Variants in TMEM132D observed in about 807,000 individuals in gnomAD.
TMEM132D encodes the protein transmembrane protein 132D.
Under a neutral mutation model 62.3 loss-of-function variants are expected in TMEM132D, and 21 were observed. That is an observed-to-expected ratio of 0.34 (90% CI 0.24 to 0.49). The LOEUF is 0.49. Among genes scored for constraint, TMEM132D ranks in the 20% least tolerant of loss-of-function variants. The pLI is 0.99. For missense variants in TMEM132D, 1,346 were observed against 1,402.8 expected (o/e 0.96, Z 0.65); for synonymous variants, 621 against 575.6 (o/e 1.08, Z -1.13).
At chr12:129,429,569 C>A (rs1398995149) in intron 3 of TMEM132D, among the ~76,000 whole-genome samples, 3 of 147,860 alleles carry the variant, frequency 2.0e-5, no homozygotes, top group African/African-American at 7.4e-5. Context: ...CCACCACACC[C>A]AGCTAATTCT....
intron 2 of TMEM132D, among the ~76,000 whole-genome samples, chr12:129,637,845 T>C (rs1879526749): frequency 6.6e-6 from 1 of 151,992 alleles, no homozygotes; most frequent in African/African-American, 2.4e-5. Flanking sequence ...CACATACTTT[T>C]AAACCACCAG....
At chr12:129,397,235 A>G (rs1250890736) in intron 3 of TMEM132D, among the ~76,000 whole-genome samples, 2 of 152,124 alleles carry the variant, frequency 1.3e-5, no homozygotes, top group African/African-American at 2.4e-5. Flanking sequence ...ATCTCTTCAA[A>G]TGGTCTTTTG....
At chr12:129,847,063 G>A (rs202123484) in intron 1 of TMEM132D, among the ~76,000 whole-genome samples, 1 of 152,272 alleles carries the variant, frequency 6.6e-6, no homozygotes, top group South Asian at 2.1e-4. Flanking sequence ...TTGCAAGCAG[G>A]CAATTAGAGT....
chr12:129,280,605 A>G (rs921244111), intron 4 of TMEM132D, among the ~76,000 whole-genome samples: 1 of 152,190 alleles, frequency 6.6e-6, no homozygotes, highest in Admixed American at 6.5e-5. Context: ...ATTAGCTCTT[A>G]TGGGTCTCCA....
intron 2 of TMEM132D, among the ~76,000 whole-genome samples, chr12:129,560,775 G>A (rs528711108): frequency 2.0e-5 from 3 of 152,182 alleles, no homozygotes; most frequent in Admixed American, 1.3e-4. Flanking sequence ...ACCTTCTTCA[G>A]GGAGAGTCAA....
chr12:129,436,383 T>C (rs1027864500), intron 3 of TMEM132D, among the ~76,000 whole-genome samples: 2 of 152,276 alleles, frequency 1.3e-5, no homozygotes, highest in African/African-American at 4.8e-5. Context: ...TTCTCATATA[T>C]ATATAATTAT....
At chr12:129,094,088 A>G (rs573728808) in intron 5 of TMEM132D, among the ~76,000 whole-genome samples, 6 of 152,154 alleles carry the variant, frequency 3.9e-5, no homozygotes, top group South Asian at 2.1e-4. Flanking sequence ...CTAGAAGAAA[A>G]CCTAGGCTTT....
At chr12:129,742,435 T>A (rs148921655) in intron 1 of TMEM132D, among the ~76,000 whole-genome samples, 306 of 152,240 alleles carry the variant, frequency 2.0e-3, no homozygotes, top group Non-Finnish European at 3.1e-3. Flanking sequence ...TCATGGTAAC[T>A]CATTAACAAG....
In TMEM132D at chr12:129,192,161, G is replaced by A. The variant is rs138852673; in HGVS notation, c.1443+17359C>T. Among the ~76,000 whole-genome samples the A allele has an allele frequency of 3.0e-3, 459 of 152,220 alleles. 2 individuals carry two copies. Among genetic ancestry groups the A allele is most frequent in the African/African-American group, 0.011 (439 of 41,524 alleles). ...AATGGTTCCTACTACCTTGACCTGC[G>A]TCTGCACTCACTGGGGAGGTCTGGA... is the stretch of plus-strand genomic sequence containing the variant. On this transcript the variant is annotated intron_variant, in intron 5 of 8. Coordinates refer to ENST00000422113, the MANE Select transcript of TMEM132D (RefSeq NM_133448.3).
chr12:129,280,987 T>TAAAAAAAAAAAAAAAAAAA (rs1387891693), intron 4 of TMEM132D, among the ~76,000 whole-genome samples: 1 of 151,994 alleles, frequency 6.6e-6, no homozygotes, highest in African/African-American at 2.4e-5. Flanking sequence ...TTTATTTTCT[T>TAAAAAAAAAAAAAAAAAAA]AAAATGTGGT....
chr12:129,444,338 G>A (rs1183965178), intron 3 of TMEM132D, among the ~76,000 whole-genome samples: 1 of 152,000 alleles, frequency 6.6e-6, no homozygotes, highest in Non-Finnish European at 1.5e-5. Context: ...ACGGAATGGG[G>A]GAAAATTTTT....
At chr12:129,567,588 T>C (rs1877402509) in intron 2 of TMEM132D, among the ~76,000 whole-genome samples, 1 of 152,184 alleles carries the variant, frequency 6.6e-6, no homozygotes, top group Non-Finnish European at 1.5e-5. Context: ...TATGAGAATT[T>C]AGCTGGTATC....
intron 1 of TMEM132D, among the ~76,000 whole-genome samples, chr12:129,787,151 T>C (rs1321110422): frequency 2.6e-5 from 4 of 151,976 alleles, no homozygotes; most frequent in South Asian, 2.1e-4. Flanking sequence ...TCTATCCCCC[T>C]GCCAAAATGT....
At chr12:129,306,097 A>G (rs1311212040) in intron 4 of TMEM132D, among the ~76,000 whole-genome samples, 1 of 152,154 alleles carries the variant, frequency 6.6e-6, no homozygotes, top group African/African-American at 2.4e-5. Context: ...TTCTCTGACA[A>G]TGTTGTCTCA....
chr12:129,256,850 C>G lies in TMEM132D; in HGVS notation c.1300-47187G>C, dbSNP rs146251742. 1.5e-3 allele frequency among the ~76,000 whole-genome samples: 232 copies of G among 152,118 alleles called. 3 individuals are homozygous for G. Among genetic ancestry groups the G allele is most frequent in the African/African-American group, 5.5e-3 (227 of 41,494 alleles). On this transcript the variant is annotated intron_variant, in intron 4 of 8. Transcript: ENST00000422113. ...GGCTGGGATTGCAGGCGTGAGCCAC[C>G]ACGCCCGGCCTGTTTATATTGTTTA...
At chr12:129,566,621 A>T (rs1411922409) in intron 2 of TMEM132D, among the ~76,000 whole-genome samples, 3 of 152,204 alleles carry the variant, frequency 2.0e-5, no homozygotes, top group Admixed American at 1.3e-4. Flanking sequence ...ATATTTCTTG[A>T]CATATTTTGA....
At chr12:129,331,864 T>A (rs1869115186) in intron 4 of TMEM132D, among the ~76,000 whole-genome samples, 1 of 152,178 alleles carries the variant, frequency 6.6e-6, no homozygotes, top group Admixed American at 6.5e-5. Flanking sequence ...AACGGAGACC[T>A]TTCTCCTTGG....
intron 1 of TMEM132D, among the ~76,000 whole-genome samples, chr12:129,889,200 C>T (rs1874843374): frequency 6.6e-6 from 1 of 152,078 alleles, no homozygotes; most frequent in African/African-American, 2.4e-5. Flanking sequence ...ATTTTTGTCC[C>T]CAGAATCTCA....
chr12:129,348,980 C>T (rs1283824797), intron 3 of TMEM132D, among the ~76,000 whole-genome samples: 2 of 152,280 alleles, frequency 1.3e-5, no homozygotes, highest in Middle Eastern at 6.8e-3. Flanking sequence ...TGTAATGGGC[C>T]TCAGTCATCC....
Sources: allele counts gnomAD v4.1 joint callset (sites outside exome capture counted in the v4.1 genomes callset), GRCh38; gene constraint gnomAD v4.1.1; transcripts MANE v1.5; gene names NCBI Gene and HGNC (gene_info 2026-07-23, HGNC 2026-07-21).